Variants in SERINC1 observed in about 807,000 individuals in gnomAD.
SERINC1 encodes the protein serine incorporator 1.
Under a neutral mutation model 52.9 loss-of-function variants are expected in SERINC1, and 38 were observed. The ratio of observed to expected loss-of-function variants is 0.72; its 90% confidence interval spans 0.55 to 0.94. The LOEUF (loss-of-function observed/expected upper bound fraction) is 0.94, where lower values mean the gene tolerates loss of function less well. Ranked by LOEUF, SERINC1 falls within the 40% of genes least tolerant of loss-of-function variation. SERINC1 has a pLI of 0.00. For synonymous variants in SERINC1, 198 were observed against 183.1 expected (o/e 1.08, Z -0.66); for missense variants, 471 against 533.9 (o/e 0.88, Z 1.16).
At chr6:122,463,819 G>C (rs1775145650) in intron 1 of SERINC1, among the ~76,000 whole-genome samples, 1 of 152,082 alleles carries the variant, frequency 6.6e-6, no homozygotes, top group South Asian at 2.1e-4. Flanking sequence ...TGCACTTACT[G>C]TATGAATAAG....
chr6:122,463,326 A>G (rs1189959506), intron 1 of SERINC1, among the ~76,000 whole-genome samples: 4 of 152,338 alleles, frequency 2.6e-5, no homozygotes, highest in Middle Eastern at 3.4e-3. Flanking sequence ...ACCATATAAA[A>G]AACAGGACTC....
At chr6:122,467,635 A>C (rs1775211027) in intron 1 of SERINC1, among the ~76,000 whole-genome samples, 1 of 152,196 alleles carries the variant, frequency 6.6e-6, no homozygotes, top group Admixed American at 6.5e-5. Flanking sequence ...ACCAATGAAC[A>C]AAAAATGTTG....
At position 122,451,776 on chromosome 6, in the gene SERINC1, A is replaced by AATATAT. The variant is rs1554211251; in HGVS notation, c.760-28_760-23dup. On this transcript the variant is annotated intron_variant, in intron 6 of 9. Transcript: ENST00000339697. Reference sequence around the variant, plus strand: ...ATTCCTACAAAAAAAAAAAAAAAAAAATATATATATATATATATAGCAACA... The same window carrying AATATAT: ...ATTCCTACAAAAAAAAAAAAAAAAAAATATATATATATATATATATATATAGCAACA... 8.1e-3 allele frequency: 907 copies of AATATAT among 112,238 alleles called. 8 individuals carry two copies. The highest frequency in any genetic ancestry group is 0.022 in the Middle Eastern group (5 of 226). 7.0% of individuals were successfully genotyped at this position (112,238 alleles called of 1,614,324 possible).
At chr6:122,454,019 TTTTGCCAA>T in intron 4 of SERINC1, 112 bp from the exon 5 acceptor site, 1 of 1,278,556 alleles carries the variant, frequency 7.8e-7, no homozygotes, top group Non-Finnish European at 1.1e-6. Flanking sequence ...AACATCTTGA[TTTTGCCAA>T]CTGGGGAAAC....
At chr6:122,449,763 G>T (rs1235546055) in intron 7 of SERINC1, among the ~76,000 whole-genome samples, 1 of 152,172 alleles carries the variant, frequency 6.6e-6, no homozygotes, top group Non-Finnish European at 1.5e-5. Flanking sequence ...ACGCCTGTAA[G>T]TTCAGCACTT....
chr6:122,445,883 C>CAAAAAAAAAAAAAAAAAAAAAA (rs71018202), intron 9 of SERINC1, among the ~76,000 whole-genome samples: 19 of 62,780 alleles, frequency 3.0e-4, no homozygotes, highest in African/African-American at 7.2e-4. Context: ...GACTCCATTT[C>CAAAAAAAAAAAAAAAAAAAAAA]AAAAAAAAAA....
intron 1 of SERINC1, among the ~76,000 whole-genome samples, chr6:122,468,351 C>T (rs1276783910): frequency 6.6e-6 from 1 of 152,142 alleles, no homozygotes; most frequent in East Asian, 1.9e-4. Context: ...TTGTCCTCTA[C>T]CAACTAACTA....
intron 1 of SERINC1, among the ~76,000 whole-genome samples, chr6:122,464,333 CTAATA>C (rs1275371774): frequency 1.3e-5 from 2 of 152,002 alleles, no homozygotes; most frequent in Non-Finnish European, 2.9e-5. Context: ...ATTCACAGAT[CTAATA>C]TAAGAAAAAT....
In SERINC1 at chr6:122,446,940, T is replaced by C. The variant is rs752174586; in HGVS notation, c.1060A>G (p.Ile354Val). The change falls in exon 9 of 10, where the codon ATA (isoleucine) becomes GTA (valine). Residue 354 changes from isoleucine (I) to valine (V), a missense_variant. Coordinates refer to ENST00000339697, the MANE Select transcript of SERINC1 (RefSeq NM_020755.4). ...TCACTTCTAGCTCCACCATCTTCTA[T>C]TAATGTAGATTCATCACTTGTTAGA... is the stretch of plus-strand genomic sequence containing the variant. ...LTLTSDESTL[I>V]EDGGARSDGS... is the part of the protein sequence containing the mutation. 2 of 1,613,694 alleles carry C rather than the reference T, an allele frequency of 1.2e-6. No individual in the cohort carries two copies. The highest frequency in any genetic ancestry group is 2.2e-5 in the East Asian group (1 of 44,874).
chr6:122,454,024 C>T, intron 4 of SERINC1, 117 bp from the exon 5 acceptor site: 1 of 1,244,530 alleles, frequency 8.0e-7, no homozygotes, highest in South Asian at 1.5e-5. Flanking sequence ...CTTGATTTTG[C>T]CAACTGGGGA....
Position 122,456,462 on chromosome 6 carries a change from A to G in SERINC1, c.371+19T>C. On this transcript the variant is annotated intron_variant, in intron 3 of 9. Transcript: ENST00000339697. ...GAGGCTACCCAAGCTTTTATATTGA[A>G]GCTTATTTAAAAACTTACCCATTGT... The G allele has an allele frequency of 6.8e-7, 1 of 1,459,966 alleles. No individual in the cohort carries two copies. Among genetic ancestry groups the G allele is most frequent in the Non-Finnish European group, 9.1e-7 (1 of 1,098,438 alleles). The allele number at this position is 1,459,966 out of a possible 1,614,324, so 90.4% of individuals were successfully genotyped here.
chr6:122,465,560 G>C (rs1043539921), intron 1 of SERINC1, among the ~76,000 whole-genome samples: 1 of 152,148 alleles, frequency 6.6e-6, no homozygotes, highest in Non-Finnish European at 1.5e-5. Context: ...AGTGTACCCT[G>C]GATCTATCAA....
At chr6:122,461,324 A>C (rs1032884898) in intron 1 of SERINC1, among the ~76,000 whole-genome samples, 5 of 152,202 alleles carry the variant, frequency 3.3e-5, no homozygotes, top group African/African-American at 1.2e-4. Context: ...TGTACATTAT[A>C]AACTGAGGAA....
intron 5 of SERINC1, among the ~76,000 whole-genome samples, chr6:122,452,950 T>A (rs549456536): frequency 6.6e-6 from 1 of 152,304 alleles, no homozygotes; most frequent in Admixed American, 6.5e-5. Flanking sequence ...AATTTAAAAT[T>A]TTTTTAGCTG....
At chr6:122,460,798 T>C (rs1412951486) in intron 1 of SERINC1, among the ~76,000 whole-genome samples, 2 of 152,164 alleles carry the variant, frequency 1.3e-5, no homozygotes, top group Non-Finnish European at 2.9e-5. Flanking sequence ...CATTTATAAA[T>C]AGGGCATTGT....
intron 1 of SERINC1, among the ~76,000 whole-genome samples, chr6:122,470,820 T>C (rs565813142): frequency 5.9e-4 from 90 of 152,202 alleles, no homozygotes; most frequent in African/African-American, 2.0e-3. Context: ...CGCCTAAAAT[T>C]ACAAATATCT....
chr6:122,447,144 A>G lies in SERINC1; in HGVS notation c.972T>C (p.Phe324=). The change falls in exon 8 of 10, where the codon TTT becomes TTC. Residue 324 remains phenylalanine, a synonymous_variant. Transcript: ENST00000339697. ...HAQGIIGLIL[F]LLCVFYSSIR... ...ACCTGGAATAAAATACACACAACAA[A>G]AAGAGAATTAGTCCTATAATTCCTT... The G allele has an allele frequency of 6.2e-7, 1 of 1,613,266 alleles. No homozygotes were observed. The highest frequency in any genetic ancestry group is 8.5e-7 in the Non-Finnish European group (1 of 1,179,418).
chr6:122,458,604 T>G lies in SERINC1; in HGVS notation c.117A>C (p.Arg39Ser), dbSNP rs369155623. 6.2e-7 allele frequency: 1 copy of G among 1,613,110 alleles called. No homozygotes were observed. The highest frequency in any genetic ancestry group is 1.7e-5 in the Admixed American group (1 of 60,004). Reference sequence around the variant, plus strand: ...CAAGCAAGAAAAGTGCATAGATCAATCTAGTTACAGTGGAGTTGTTTCCAC... The same window carrying G: ...CAAGCAAGAAAAGTGCATAGATCAAGCTAGTTACAGTGGAGTTGTTTCCAC... ...CPSGNNSTVTRLIYALFLLVG... is the reference protein window; with the variant it reads ...CPSGNNSTVTSLIYALFLLVG... The change falls in exon 2 of 10, where the codon AGA becomes AGC. Residue 39 changes from arginine (R) to serine (S), a missense_variant. By Grantham distance (110) the Arg-to-Ser change is moderately radical (BLOSUM62 -1). Transcript: ENST00000339697.
intron 1 of SERINC1, among the ~76,000 whole-genome samples, chr6:122,470,716 A>C (rs371651843): frequency 6.6e-6 from 1 of 152,164 alleles, no homozygotes; most frequent in South Asian, 2.1e-4. Context: ...AAGAGTATAT[A>C]TAACGGAATC....
Sources: gnomAD v4.1 joint callset for allele counts (sites outside exome capture counted in the v4.1 genomes callset) on GRCh38, gnomAD v4.1.1 for gene constraint, MANE v1.5 for transcripts, NCBI Gene and HGNC (gene_info 2026-07-23, HGNC 2026-07-21) for gene names.